LYPD6B: variants seen among roughly 807,000 people sequenced by gnomAD.
LYPD6B encodes the protein ly6/PLAUR domain-containing protein 6B.
Under a neutral mutation model 22.8 loss-of-function variants are expected in LYPD6B, and 17 were observed. That is an observed-to-expected ratio of 0.75 (90% CI 0.51 to 1.12). The LOEUF is 1.12. Among genes scored for constraint, LYPD6B ranks in the 50% most tolerant of loss-of-function variants. The pLI is 0.00. For missense variants in LYPD6B, 221 were observed against 258.3 expected (o/e 0.86, Z 0.99); for synonymous variants, 106 against 91.6 (o/e 1.16, Z -0.90).
intron 1 of LYPD6B, chr2:149,068,705 C>A: frequency 1.8e-6 from 1 of 550,732 alleles, no homozygotes; most frequent in Non-Finnish European, 3.6e-6. Flanking sequence ...TTTGACTTCA[C>A]ACTCTGAAGC....
intron 3 of LYPD6B, among the ~76,000 whole-genome samples, chr2:149,172,976 A>G (rs1690949327): frequency 2.3e-5 from 2 of 87,248 alleles, no homozygotes; most frequent in Admixed American, 2.4e-4. Flanking sequence ...ACCTTTTAAT[A>G]AGCATATATA....
intron 3 of LYPD6B, among the ~76,000 whole-genome samples, chr2:149,197,496 G>A (rs1692888092): frequency 6.6e-6 from 1 of 151,870 alleles, no homozygotes; most frequent in Non-Finnish European, 1.5e-5. Flanking sequence ...TGATGATAGA[G>A]CGAGACTCTG....
chr2:149,121,262 G>C (rs1687337796), intron 1 of LYPD6B, among the ~76,000 whole-genome samples: 1 of 152,072 alleles, frequency 6.6e-6, no homozygotes, highest in African/African-American at 2.4e-5. Context: ...CTAAGGTATT[G>C]TTTTCTGAAG....
chr2:149,091,737 C>A (rs1345059571), intron 1 of LYPD6B, among the ~76,000 whole-genome samples: 1 of 152,032 alleles, frequency 6.6e-6, no homozygotes, highest in African/African-American at 2.4e-5. Flanking sequence ...ATAAACCAAT[C>A]AACATTTATG....
At chr2:149,180,317 A>G (rs542441266) in intron 3 of LYPD6B, among the ~76,000 whole-genome samples, 6 of 152,324 alleles carry the variant, frequency 3.9e-5, no homozygotes, top group South Asian at 2.1e-4. Context: ...ATGCTGTTAT[A>G]CAAGTGAAAC....
intron 2 of LYPD6B, among the ~76,000 whole-genome samples, chr2:149,134,641 T>C (rs1688247740): frequency 6.6e-6 from 1 of 152,192 alleles, no homozygotes; most frequent in South Asian, 2.1e-4. Flanking sequence ...AACCCCATTC[T>C]CTCACAGTAT....
chr2:149,141,870 A>G (rs542041397), intron 2 of LYPD6B, among the ~76,000 whole-genome samples: 26 of 152,240 alleles, frequency 1.7e-4, no homozygotes, highest in African/African-American at 6.3e-4. Flanking sequence ...TCCTCTTTCA[A>G]GCTTCTGGTG....
intron 1 of LYPD6B, among the ~76,000 whole-genome samples, chr2:149,129,728 G>T (rs1189938958): frequency 6.6e-6 from 1 of 152,214 alleles, no homozygotes; most frequent in African/African-American, 2.4e-5. Context: ...AGGTAGGTAA[G>T]ACTTATGGTG....
Position 149,191,406 on chromosome 2 carries a change from T to A in LYPD6B, c.78-13847T>A, listed in dbSNP as rs1462654173. On this transcript the variant is annotated intron_variant, in intron 3 of 6. Coordinates refer to ENST00000409642, the MANE Select transcript of LYPD6B (RefSeq NM_177964.5). ...AGGTATGTATCCAACCATATTTTTT[T>A]CCTGGCCACTCACTTGTCCCAACTC... Among the ~76,000 whole-genome samples the A allele has an allele frequency of 3.9e-5, 6 of 152,188 alleles. No homozygotes were observed. The South Asian group carries it at 1.0e-3, about 26-fold the overall frequency.
intron 1 of LYPD6B, among the ~76,000 whole-genome samples, chr2:149,088,967 C>G (rs1225679784): frequency 6.6e-6 from 1 of 152,124 alleles, no homozygotes; most frequent in Non-Finnish European, 1.5e-5. Flanking sequence ...CTGGACAGAG[C>G]TACCACATAC....
At position 149,140,601 on chromosome 2, in the gene LYPD6B, A is replaced by C. The variant is rs1285582968; in HGVS notation, c.5+9648A>C. On this transcript the variant is annotated intron_variant, in intron 2 of 6. Coordinates refer to ENST00000409642, the MANE Select transcript of LYPD6B (RefSeq NM_177964.5). Reference sequence around the variant, plus strand: ...GCCAATGTCCCTCCCACACTCTTAGATTCAAATAATCTCTTTAAGCTTATC... The same window carrying C: ...GCCAATGTCCCTCCCACACTCTTAGCTTCAAATAATCTCTTTAAGCTTATC... 2.0e-5 allele frequency among the ~76,000 whole-genome samples: 3 copies of C among 152,310 alleles called. No individual in the cohort carries two copies. In the East Asian group the frequency reaches 5.8e-4, roughly 29 times the overall value.
At chr2:149,040,264 C>G (rs1219219664) in intron 1 of LYPD6B, among the ~76,000 whole-genome samples, 1 of 151,290 alleles carries the variant, frequency 6.6e-6, no homozygotes, top group Non-Finnish European at 1.5e-5. Context: ...CTCTGTCACC[C>G]AGGCTGGAGT....
rs73963350 is a variant in LYPD6B at position 149,097,584 on chromosome 2, G to A, written c.-66-33299G>A. Among the ~76,000 whole-genome samples the A allele has an allele frequency of 7.0e-3, 1,069 of 152,286 alleles. 19 individuals are homozygous for A. Among genetic ancestry groups the A allele is most frequent in the African/African-American group, 0.024 (983 of 41,542 alleles). The stretch of plus-strand genomic sequence containing the variant: ...TGCTGGGCCCTAACAGTCTCAGCCA[G>A]GTAGGAGTTAAATGTGCCATCCCTA... On this transcript the variant is annotated intron_variant, in intron 1 of 6. Transcript: ENST00000409642.
At chr2:149,111,477 G>C (rs1365430316) in intron 1 of LYPD6B, among the ~76,000 whole-genome samples, 2 of 152,096 alleles carry the variant, frequency 1.3e-5, no homozygotes, top group East Asian at 3.9e-4. Flanking sequence ...TGGTGGGATG[G>C]GGGTGGGGAG....
intron 1 of LYPD6B, among the ~76,000 whole-genome samples, chr2:149,039,658 A>G (rs1245034275): frequency 1.3e-5 from 2 of 152,244 alleles, no homozygotes; most frequent in African/African-American, 2.4e-5. Context: ...TGGAGTACAT[A>G]GCATACTGCT....
chr2:149,063,323 G>A (rs894438697), intron 1 of LYPD6B, among the ~76,000 whole-genome samples: 3 of 151,958 alleles, frequency 2.0e-5, no homozygotes, highest in Non-Finnish European at 2.9e-5. Flanking sequence ...AAGTAGCCCC[G>A]CCCCATAACA....
At chr2:149,116,806 T>C (rs1421372300) in intron 1 of LYPD6B, among the ~76,000 whole-genome samples, 2 of 152,220 alleles carry the variant, frequency 1.3e-5, no homozygotes, top group African/African-American at 4.8e-5. Context: ...TGGCAAAATC[T>C]AATAAATGTT....
At chr2:149,203,415 G>A (rs1416830831) in intron 3 of LYPD6B, among the ~76,000 whole-genome samples, 1 of 152,140 alleles carries the variant, frequency 6.6e-6, no homozygotes, top group Non-Finnish European at 1.5e-5. Flanking sequence ...ATAAAGAAGG[G>A]TATAATAATG....
chr2:149,154,028 A>C (rs1689540345), intron 2 of LYPD6B: 1 of 964,404 alleles, frequency 1.0e-6, no homozygotes, highest in Non-Finnish European at 1.2e-6. Flanking sequence ...GGTGATTCTA[A>C]TAATGAAGAG....
Sources: gnomAD v4.1 joint callset for allele counts (sites outside exome capture counted in the v4.1 genomes callset) on GRCh38, gnomAD v4.1.1 for gene constraint, MANE v1.5 for transcripts, NCBI Gene and HGNC (gene_info 2026-07-23, HGNC 2026-07-21) for gene names.